Variants in GALNTL6 observed in about 807,000 individuals in gnomAD.
GALNTL6 encodes the protein polypeptide N-acetylgalactosaminyltransferase like 6.
GALNTL6 carries 46 observed loss-of-function variants against 73.7 expected under a neutral mutation model. That is an observed-to-expected ratio of 0.62 (90% CI 0.49 to 0.80). The LOEUF is 0.80. Ranked by LOEUF, GALNTL6 falls within the 30% of genes least tolerant of loss-of-function variation. The pLI is 0.00. For missense variants in GALNTL6, 604 were observed against 755.0 expected (o/e 0.80, Z 2.34); for synonymous variants, 259 against 263.7 (o/e 0.98, Z 0.17).
At chr4:171,905,767 AAAGAAC>A (rs1306154729) in intron 2 of GALNTL6, among the ~76,000 whole-genome samples, 1 of 151,762 alleles carries the variant, frequency 6.6e-6, no homozygotes, top group East Asian at 1.9e-4. Flanking sequence ...AGCAAATATA[AAAGAAC>A]AGAAATTATA....
intron 12 of GALNTL6, among the ~76,000 whole-genome samples, chr4:173,024,948 C>T (rs1402082078): frequency 6.6e-6 from 1 of 152,130 alleles, no homozygotes; most frequent in Non-Finnish European, 1.5e-5. Context: ...GAGAGTTCCC[C>T]AATGCCTTGG....
intron 2 of GALNTL6, among the ~76,000 whole-genome samples, chr4:172,111,406 A>G (rs1032466710): frequency 5.3e-5 from 8 of 152,004 alleles, no homozygotes; most frequent in African/African-American, 1.9e-4. Flanking sequence ...TTTCTGATAA[A>G]TTATTTTTAG....
At chr4:172,146,016 T>C (rs1733918013) in intron 2 of GALNTL6, among the ~76,000 whole-genome samples, 1 of 152,222 alleles carries the variant, frequency 6.6e-6, no homozygotes, top group Admixed American at 6.5e-5. Context: ...AAGGTCTCTT[T>C]GTACACAATG....
chr4:171,988,165 A>G (rs1369331552), intron 2 of GALNTL6, among the ~76,000 whole-genome samples: 1 of 152,190 alleles, frequency 6.6e-6, no homozygotes, highest in African/African-American at 2.4e-5. Context: ...AGTTGTTTGG[A>G]CAGAAAGGCT....
At chr4:172,565,586 T>G (rs1736524540) in intron 5 of GALNTL6, among the ~76,000 whole-genome samples, 1 of 152,212 alleles carries the variant, frequency 6.6e-6, no homozygotes, top group South Asian at 2.1e-4. Flanking sequence ...TGTTTTTGTC[T>G]GGCTTCAGTA....
At chr4:172,201,246 C>G (rs1735942015) in intron 2 of GALNTL6, among the ~76,000 whole-genome samples, 1 of 150,694 alleles carries the variant, frequency 6.6e-6, no homozygotes, top group Non-Finnish European at 1.5e-5. Flanking sequence ...CTTGCTCTGT[C>G]CCCAGGCTGG....
At chr4:171,879,562 A>C (rs751319459) in intron 2 of GALNTL6, among the ~76,000 whole-genome samples, 1 of 152,222 alleles carries the variant, frequency 6.6e-6, no homozygotes, top group Non-Finnish European at 1.5e-5. Flanking sequence ...AGTACACATG[A>C]ATATGATTAG....
At chr4:171,914,846 G>A (rs1312891249) in intron 2 of GALNTL6, among the ~76,000 whole-genome samples, 2 of 150,360 alleles carry the variant, frequency 1.3e-5, no homozygotes, top group African/African-American at 2.4e-5. Flanking sequence ...CAATATTTTA[G>A]AGTATTTTTT....
intron 5 of GALNTL6, among the ~76,000 whole-genome samples, chr4:172,538,330 G>A (rs1026052756): frequency 6.2e-4 from 94 of 152,036 alleles, no homozygotes; most frequent in African/African-American, 1.9e-3. Flanking sequence ...GCGTGGTGGC[G>A]GTGCCTGTAG....
intron 2 of GALNTL6, among the ~76,000 whole-genome samples, chr4:171,892,934 G>A (rs1009283670): frequency 2.6e-5 from 4 of 152,128 alleles, no homozygotes; most frequent in Admixed American, 2.6e-4. Context: ...TTACCCTGCT[G>A]GAGTGTATGG....
At chr4:171,851,741 GT>G (rs1223233894) in intron 2 of GALNTL6, among the ~76,000 whole-genome samples, 3 of 152,126 alleles carry the variant, frequency 2.0e-5, no homozygotes, top group Non-Finnish European at 4.4e-5. Flanking sequence ...CTGACTCTGA[GT>G]TTTATTCATC....
chr4:172,959,207 T>C (rs1385564022), intron 10 of GALNTL6, among the ~76,000 whole-genome samples: 2 of 151,968 alleles, frequency 1.3e-5, no homozygotes, highest in Admixed American at 6.5e-5. Context: ...TGTCCTATAC[T>C]TGTGGTTTAA....
At chr4:172,991,274 G>A (rs77187207) in intron 10 of GALNTL6, among the ~76,000 whole-genome samples, 1,772 of 152,210 alleles carry the variant, frequency 0.012, 11 homozygotes, top group Non-Finnish European at 0.016. Context: ...TTTTTCTGTA[G>A]TTGATTTAAA....
In GALNTL6 at chr4:172,475,531, T is replaced by C. The variant is rs147419681; in HGVS notation, c.553+126842T>C. 3.0e-3 allele frequency among the ~76,000 whole-genome samples: 450 copies of C among 152,272 alleles called. 1 individual carries two copies. The highest frequency in any genetic ancestry group is 0.01 in the African/African-American group (419 of 41,566). On this transcript the variant is annotated intron_variant, in intron 5 of 12. Transcript: ENST00000506823. ...GGTGTTTTTCCAAGTGGTTATAAAC[T>C]ATGGTATGTACAATTTACTTTTTCG...
chr4:172,202,604 C>T (rs1201572459), intron 2 of GALNTL6, among the ~76,000 whole-genome samples: 1 of 151,634 alleles, frequency 6.6e-6, no homozygotes, highest in African/African-American at 2.4e-5. Context: ...GCATTATCCC[C>T]AAAATAAGTA....
chr4:172,597,249 C>T (rs977443080), intron 5 of GALNTL6, among the ~76,000 whole-genome samples: 1 of 152,132 alleles, frequency 6.6e-6, no homozygotes, highest in Admixed American at 6.5e-5. Flanking sequence ...GTTCTCTGCA[C>T]GCCCTATTCT....
intron 5 of GALNTL6, among the ~76,000 whole-genome samples, chr4:172,549,541 T>G (rs1412309002): frequency 6.6e-6 from 1 of 152,144 alleles, no homozygotes; most frequent in Non-Finnish European, 1.5e-5. Context: ...AGAATCTAAT[T>G]TTTAAAGGAA....
intron 2 of GALNTL6, among the ~76,000 whole-genome samples, chr4:171,870,478 G>A (rs956040746): frequency 8.5e-5 from 13 of 152,204 alleles, no homozygotes; most frequent in African/African-American, 2.9e-4. Context: ...GGCTTAGGGC[G>A]CTTTACCTCT....
chr4:171,887,665 C>A (rs1387516389), intron 2 of GALNTL6, among the ~76,000 whole-genome samples: 2 of 152,118 alleles, frequency 1.3e-5, no homozygotes, highest in African/African-American at 4.8e-5. Flanking sequence ...TTTTTCTAAA[C>A]AGATCTTTGG....
Sources: allele counts gnomAD v4.1 joint callset (sites outside exome capture counted in the v4.1 genomes callset), GRCh38; gene constraint gnomAD v4.1.1; transcripts MANE v1.5; gene names NCBI Gene and HGNC (gene_info 2026-07-23, HGNC 2026-07-21).